DICER1: variants seen among roughly 807,000 people sequenced by gnomAD.
DICER1 encodes the protein endoribonuclease Dicer.
Under a neutral mutation model 194.1 loss-of-function variants are expected in DICER1, and 43 were observed. That is an observed-to-expected ratio of 0.22 (90% CI 0.17 to 0.29). The LOEUF (loss-of-function observed/expected upper bound fraction) is 0.29. DICER1 is among the 10% of genes least tolerant of loss of function. The probability of loss-of-function intolerance (pLI) is 1.00; values close to 1 mark genes in which losing one functional copy is unlikely to be tolerated. For missense variants in DICER1, 1,608 were observed against 2,317.0 expected (o/e 0.69, Z 6.28); for synonymous variants, 832 against 820.5 (o/e 1.01, Z -0.24).
chr14:95,107,695 C>T lies in DICER1; in HGVS notation c.2717G>A (p.Arg906His), dbSNP rs150510758. 9 of 1,613,556 alleles carry T rather than the reference C, an allele frequency of 5.6e-6. No homozygotes were observed. Among genetic ancestry groups the T allele is most frequent in the Non-Finnish European group, 5.9e-6 (7 of 1,179,530 alleles). Reference protein sequence around the residue: ...FMEDIEKSEARIGIPSTKYTK... With the variant: ...FMEDIEKSEAHIGIPSTKYTK... ...ATACTTTGTACTGGGAATGCCTATG[C>T]GAGCTTCAGACTTCTCAATATCTTC... is the stretch of plus-strand genomic sequence containing the variant. The change falls in exon 17 of 27, where the codon CGC becomes CAC. Residue 906 changes from arginine to histidine, a missense_variant. Arg to His is a conservative substitution (Grantham distance 29). Transcript: ENST00000343455.
At chr14:95,146,595 T>C (rs1460885265) in intron 1 of DICER1, among the ~76,000 whole-genome samples, 3 of 152,300 alleles carry the variant, frequency 2.0e-5, no homozygotes, top group South Asian at 4.1e-4. Flanking sequence ...CTCATTCTTC[T>C]TGGATGCAGA....
intron 21 of DICER1, among the ~76,000 whole-genome samples, chr14:95,100,544 G>A (rs879574954): frequency 7.2e-5 from 11 of 152,026 alleles, no homozygotes; most frequent in Admixed American, 1.3e-4. Context: ...TGAACCAAAA[G>A]GTTTCTGTTT....
chr14:95,106,357 G>A, intron 17 of DICER1, 134 bp from the exon 18 acceptor site: 1 of 712,972 alleles, frequency 1.4e-6, no homozygotes, highest in Non-Finnish European at 2.4e-6. Flanking sequence ...ATAAACATCT[G>A]TATTCCAAAT....
At position 95,090,296 on chromosome 14, in the gene DICER1, A is replaced by C. The variant is rs2139763391; in HGVS notation, c.*202T>G. ...AGATAAGATTGTGTTTGCGCAAAAA[A>C]CTAAAACTACAATTAGTTCCAAAAT... On this transcript the variant is annotated 3_prime_UTR_variant, in exon 27 of 27. Coordinates refer to ENST00000343455, the MANE Select transcript of DICER1 (RefSeq NM_177438.3). The C allele has an allele frequency of 1.6e-6, 1 of 622,302 alleles. No individual in the cohort carries two copies. The highest frequency in any genetic ancestry group is 2.8e-6 in the Non-Finnish European group (1 of 359,758). 38.5% of individuals were successfully genotyped at this position (622,302 alleles called of 1,614,324 possible). A position where few individuals can be genotyped will look rare whatever the true frequency, so the allele number is the denominator to read the frequency against.
At chr14:95,116,779 CT>C in intron 9 of DICER1, 84 bp from the exon 10 acceptor site, 1 of 1,337,968 alleles carries the variant, frequency 7.5e-7, no homozygotes, top group Non-Finnish European at 1.1e-6. Flanking sequence ...TAAATGACAA[CT>C]GTCATTTCTG....
At position 95,148,635 on chromosome 14, in the gene DICER1, T is replaced by C. The variant is rs148480952; in HGVS notation, c.-46+8595A>G. Among the ~76,000 whole-genome samples the C allele has an allele frequency of 5.5e-3, 830 of 152,282 alleles. 6 individuals carry two copies. The highest frequency in any genetic ancestry group is 0.019 in the African/African-American group (798 of 41,560). On this transcript the variant is annotated intron_variant, in intron 1 of 26. Coordinates refer to ENST00000343455, the MANE Select transcript of DICER1 (RefSeq NM_177438.3). ...TGCCTAAAATTAGATTGGTCCAAAA[T>C]TGAAGTGGAACACAGGTCAAATACC...
rs1060503598 is a variant in DICER1 at position 95,124,478 on chromosome 14, G to A, written c.1094C>T (p.Pro365Leu). Residue 365 changes from proline (P) to leucine (L), a missense_variant, in exon 8 of 27, where the codon CCT becomes CTT. Physicochemically the swap from Pro to Leu is moderately conservative, Grantham distance 98. Around this residue, in one of 10 missense-constraint regions of DICER1, gnomAD observed 657 missense variants for 910.1 expected, o/e 0.72. Coordinates refer to ENST00000343455, the MANE Select transcript of DICER1 (RefSeq NM_177438.3). The surrounding 1 kb of genome is among the most constrained non-coding windows in gnomAD (Gnocchi z 4.5). ...TACAAATTTCAGGTCAAGTGAGGCA[G>A]GTGAGAAGTGCTCTTCACATAGTGC... Reference protein sequence around the residue: ...IHALCEEHFSPASLDLKFVTP... With the variant: ...IHALCEEHFSLASLDLKFVTP... The A allele has an allele frequency of 6.2e-7, 1 of 1,614,150 alleles. No individual in the cohort carries two copies. Among genetic ancestry groups the A allele is most frequent in the Non-Finnish European group, 8.5e-7 (1 of 1,180,028 alleles).
chr14:95,132,511 T>C lies in DICER1; in HGVS notation c.307+4A>G, dbSNP rs1894033863. The C allele has an allele frequency of 6.2e-7, 1 of 1,613,884 alleles. No homozygotes were observed. The highest frequency in any genetic ancestry group is 1.3e-5 in the African/African-American group (1 of 75,058). ...CACAACTTGATAAAATAATTTTTTA[T>C]TACCAGAGTTGACCAAGAACACCGT... On this transcript the variant is annotated splice_donor_region_variant and intron_variant, in intron 3 of 26. Transcript: ENST00000343455.
At chr14:95,110,205 A>G (rs894891382) in intron 14 of DICER1, among the ~76,000 whole-genome samples, 1 of 152,228 alleles carries the variant, frequency 6.6e-6, no homozygotes, top group Non-Finnish European at 1.5e-5. Context: ...AATAAATGTG[A>G]GCTATAGATA....
At position 95,103,576 on chromosome 14, in the gene DICER1, T is replaced by G. The variant is rs142193936; in HGVS notation, c.3820A>C (p.Arg1274=). 2.1e-5 allele frequency: 34 copies of G among 1,614,116 alleles called. No homozygotes were observed. The African/African-American group carries it at 4.5e-4, about 22-fold the overall frequency. ...TTDTIQVLKG[R]MDSEQSPSIG... ...GAAGGGCTCTGCTCAGAATCCATCC[T>G]GCCCTTGAGCACTTGAATAGTGTCT... The change falls in exon 21 of 27, where the codon AGG becomes CGG. Residue 1274 remains arginine, a synonymous_variant. Transcript: ENST00000343455.
chr14:95,087,298 G>C lies in DICER1; in HGVS notation c.*3200C>G. The C allele has an allele frequency of 4.3e-6, 1 of 233,066 alleles. No homozygotes were observed. Among genetic ancestry groups the C allele is most frequent in the Non-Finnish European group, 8.5e-6 (1 of 117,818 alleles). 14.4% of individuals were successfully genotyped at this position (233,066 alleles called of 1,614,324 possible). ...AAAAGACAATTACAGGAGTGTTAGAGGTCATTCTAAATTTCATCACTTCAC... is the reference window on the plus strand; with the variant it reads ...AAAAGACAATTACAGGAGTGTTAGACGTCATTCTAAATTTCATCACTTCAC... On this transcript the variant is annotated 3_prime_UTR_variant, in exon 27 of 27. Transcript: ENST00000343455.
At chr14:95,149,528 C>T (rs1455581973) in intron 1 of DICER1, among the ~76,000 whole-genome samples, 2 of 152,148 alleles carry the variant, frequency 1.3e-5, no homozygotes, top group South Asian at 4.2e-4. Context: ...GCTACAACAC[C>T]CAAATCATCA....
At chr14:95,156,530 G>A (rs1445225187) in intron 1 of DICER1, among the ~76,000 whole-genome samples, 2 of 152,216 alleles carry the variant, frequency 1.3e-5, no homozygotes, top group African/African-American at 4.8e-5. Flanking sequence ...GGGCAACTCA[G>A]CTTTTCTGGA....
Position 95,091,188 on chromosome 14 carries a change from G to A in DICER1, c.5527+15C>T, listed in dbSNP as rs2139775364. 1 of 1,613,988 alleles carries A rather than the reference G, an allele frequency of 6.2e-7. No individual in the cohort carries two copies. The highest frequency in any genetic ancestry group is 1.1e-5 in the South Asian group (1 of 91,066). ...TTTTGTGGGTTTTTTTCTTTCTAAA[G>A]GGAGCCAACAATACCTATTAGTGGC... On this transcript the variant is annotated intron_variant, in intron 25 of 26. Transcript: ENST00000343455.
chr14:95,090,000 T>C lies in DICER1; in HGVS notation c.*498A>G, dbSNP rs1317735322. The C allele has an allele frequency of 7.2e-6, 2 of 279,380 alleles. No individual in the cohort carries two copies. The highest frequency in any genetic ancestry group is 1.4e-5 in the Non-Finnish European group (2 of 146,446). The allele number at this position is 279,380 out of a possible 1,614,324, so 17.3% of individuals were successfully genotyped here. ...TATAACGTGGAAAGAAAAGACAACA[T>C]TGGCGCACTTCTCCTCTCGAAAACC... On this transcript the variant is annotated 3_prime_UTR_variant, in exon 27 of 27. Coordinates refer to ENST00000343455, the MANE Select transcript of DICER1 (RefSeq NM_177438.3).
In DICER1 at chr14:95,095,978, A is replaced by C; in HGVS notation, c.4942T>G (p.Cys1648Gly). 1 of 1,614,236 alleles carries C rather than the reference A, an allele frequency of 6.2e-7. No individual in the cohort carries two copies. The highest frequency in any genetic ancestry group is 8.5e-7 in the Non-Finnish European group (1 of 1,180,042). Residue 1648 changes from cysteine (C) to glycine (G), a missense_variant, in exon 23 of 27, where the codon TGT (cysteine) becomes GGT (glycine). By Grantham distance (159) the Cys-to-Gly change is radical (BLOSUM62 -3). Transcript: ENST00000343455. ...EYGCLKIPPRCMFDHPDADKT... is the reference protein window; with the variant it reads ...EYGCLKIPPRGMFDHPDADKT... ...TCTGCATCTGGATGATCAAACATAC[A>C]TCTTGGTGGAATCTTCAAACAACCA... is the stretch of plus-strand genomic sequence containing the variant.
At chr14:95,114,492 TAATA>T (rs974645161) in intron 11 of DICER1, among the ~76,000 whole-genome samples, 6 of 152,292 alleles carry the variant, frequency 3.9e-5, no homozygotes, top group Non-Finnish European at 7.4e-5. Context: ...GAATGCCAAC[TAATA>T]AATACAGAAA....
Position 95,103,669 on chromosome 14 carries a change from G to C in DICER1, c.3727C>G (p.Leu1243Val). The stretch of plus-strand genomic sequence containing the variant: ...GTAGATTTGTTAGCATTTCCATCAA[G>C]GTATTTATTACTCAGGAGAGTACAT... ...DECTLLSNKY[L>V]DGNANKSTSD... Residue 1243 changes from leucine (L) to valine (V), a missense_variant, in exon 21 of 27, where the codon CTT becomes GTT. Physicochemically the swap from Leu to Val is conservative, Grantham distance 32. Transcript: ENST00000343455. The C allele has an allele frequency of 1.2e-6, 2 of 1,614,160 alleles. No individual in the cohort carries two copies. Among genetic ancestry groups the C allele is most frequent in the Non-Finnish European group, 1.7e-6 (2 of 1,180,006 alleles).
chr14:95,156,950 G>T (rs1895923939), intron 1 of DICER1, among the ~76,000 whole-genome samples: 1 of 152,116 alleles, frequency 6.6e-6, no homozygotes, highest in Non-Finnish European at 1.5e-5. Context: ...CCCCCACCAC[G>T]CCACGGCGGC....
Sources: gnomAD v4.1 joint callset for allele counts (sites outside exome capture counted in the v4.1 genomes callset) on GRCh38, gnomAD v4.1.1 for gene constraint, gnomAD v4.1.1 regional missense constraint, Gnocchi (gnomAD v3.1) non-coding constraint, MANE v1.5 for transcripts, NCBI Gene and HGNC (gene_info 2026-07-23, HGNC 2026-07-21) for gene names.